Variants in SOX6 observed in about 807,000 individuals in gnomAD.
The protein encoded by SOX6 is transcription factor SOX-6.
SOX6 carries 11 observed loss-of-function variants against 97.8 expected under a neutral mutation model. The observed-to-expected ratio is 0.11, with a 90% CI of 0.07 to 0.19. SOX6 has a LOEUF of 0.19. Among genes scored for constraint, SOX6 ranks in the 10% least tolerant of loss-of-function variants. SOX6 has a pLI of 1.00. For synonymous variants in SOX6, 360 were observed against 371.4 expected (o/e 0.97, Z 0.35); for missense variants, 810 against 1,039.5 (o/e 0.78, Z 3.04).
At chr11:16,704,894 C>T (rs1204958834) in intron 3 of SOX6, among the ~76,000 whole-genome samples, 1 of 152,152 alleles carries the variant, frequency 6.6e-6, no homozygotes, top group Non-Finnish European at 1.5e-5. Context: ...TTCAAATACA[C>T]TCTTGACAAC....
intron 9 of SOX6, among the ~76,000 whole-genome samples, chr11:16,085,540 T>C (rs1221917308): frequency 6.6e-6 from 1 of 152,098 alleles, no homozygotes; most frequent in Non-Finnish European, 1.5e-5. Context: ...TTTAGAAAAT[T>C]TCTCTCCCAG....
At chr11:15,979,547 C>A (rs780307132) in intron 15 of SOX6, among the ~76,000 whole-genome samples, 1 of 152,160 alleles carries the variant, frequency 6.6e-6, no homozygotes, top group African/African-American at 2.4e-5. Context: ...CAATGTCTTA[C>A]AAGTCTTTTC....
intron 14 of SOX6, among the ~76,000 whole-genome samples, chr11:15,987,796 A>G (rs1853911456): frequency 6.6e-6 from 1 of 151,988 alleles, no homozygotes; most frequent in Non-Finnish European, 1.5e-5. Flanking sequence ...ATCCCTATGC[A>G]TAACTCTGAA....
At chr11:16,179,618 G>A (rs1265535523) in intron 6 of SOX6, among the ~76,000 whole-genome samples, 2 of 151,790 alleles carry the variant, frequency 1.3e-5, no homozygotes, top group Non-Finnish European at 2.9e-5. Context: ...AATGATGAGG[G>A]GAGGGCAATG....
intron 6 of SOX6, among the ~76,000 whole-genome samples, chr11:16,175,446 A>G (rs1310278161): frequency 6.6e-6 from 1 of 152,010 alleles, no homozygotes; most frequent in Non-Finnish European, 1.5e-5. Flanking sequence ...AACAGACTAC[A>G]GCGCTAACAG....
chr11:16,695,403 A>G (rs560405664), intron 3 of SOX6, among the ~76,000 whole-genome samples: 256 of 152,372 alleles, frequency 1.7e-3, no homozygotes, highest in South Asian at 8.5e-3. Context: ...CTGGAATGTA[A>G]GCATAATATA....
At chr11:16,169,374 T>C (rs1018450754) in intron 6 of SOX6, among the ~76,000 whole-genome samples, 7 of 152,132 alleles carry the variant, frequency 4.6e-5, no homozygotes, top group African/African-American at 1.7e-4. Flanking sequence ...GATCATTACC[T>C]GCTAAAAGAA....
chr11:16,166,051 G>A (rs1850879677), intron 6 of SOX6, among the ~76,000 whole-genome samples: 1 of 152,068 alleles, frequency 6.6e-6, no homozygotes, highest in South Asian at 2.1e-4. Context: ...CACTAATTTA[G>A]AGATAGAAAT....
At chr11:15,983,672 A>T (rs1439705223) in intron 15 of SOX6, among the ~76,000 whole-genome samples, 1 of 152,132 alleles carries the variant, frequency 6.6e-6, no homozygotes, top group African/African-American at 2.4e-5. Flanking sequence ...CAGAAATAAC[A>T]CCTGGCTCTA....
At chr11:16,628,352 G>A (rs1169992630) in intron 3 of SOX6, among the ~76,000 whole-genome samples, 1 of 152,084 alleles carries the variant, frequency 6.6e-6, no homozygotes, top group East Asian at 1.9e-4. Context: ...GGCCGGGCAT[G>A]GTTGCTCACG....
intron 2 of SOX6, among the ~76,000 whole-genome samples, chr11:16,335,633 ATCT>A (rs1422113127): frequency 6.6e-6 from 1 of 152,214 alleles, no homozygotes; most frequent in Non-Finnish European, 1.5e-5. Context: ...AAGATTAGAA[ATCT>A]TCTCAAAGTC....
intron 4 of SOX6, among the ~76,000 whole-genome samples, chr11:16,511,572 A>G (rs1218831411): frequency 6.6e-6 from 1 of 152,032 alleles, no homozygotes; most frequent in Non-Finnish European, 1.5e-5. Context: ...ATATTCAGTG[A>G]GTAGAATGCT....
At chr11:16,235,380 A>G (rs183361669) in intron 3 of SOX6, among the ~76,000 whole-genome samples, 4 of 152,222 alleles carry the variant, frequency 2.6e-5, no homozygotes, top group African/African-American at 2.4e-5. Context: ...ATTCATAAAG[A>G]CTACAGAAAT....
At chr11:16,297,122 A>G (rs1434585952) in intron 3 of SOX6, among the ~76,000 whole-genome samples, 1 of 152,174 alleles carries the variant, frequency 6.6e-6, no homozygotes, top group Non-Finnish European at 1.5e-5. Context: ...ATGAGAGAGA[A>G]TGCAAAATAA....
chr11:16,385,360 T>C (rs957138930), intron 1 of SOX6, among the ~76,000 whole-genome samples: 16 of 152,084 alleles, frequency 1.1e-4, no homozygotes, highest in African/African-American at 3.4e-4. Context: ...AAAAGCAACA[T>C]ATAACATTTT....
intron 4 of SOX6, among the ~76,000 whole-genome samples, chr11:16,585,422 C>G (rs1848080308): frequency 6.6e-6 from 1 of 152,138 alleles, no homozygotes. Context: ...GGTAAGGAAA[C>G]TGAGGCCTGA....
intron 3 of SOX6, among the ~76,000 whole-genome samples, chr11:16,259,342 TAAG>T (rs960083121): frequency 2.9e-4 from 44 of 152,150 alleles, no homozygotes; most frequent in African/African-American, 1.1e-3. Flanking sequence ...ACAACATTCT[TAAG>T]AAGTAAATTC....
intron 9 of SOX6, among the ~76,000 whole-genome samples, chr11:16,088,189 T>G (rs1400540377): frequency 6.6e-6 from 1 of 152,130 alleles, no homozygotes; most frequent in East Asian, 1.9e-4. Context: ...GTAAAGCGAT[T>G]TCCCATATAC....
At chr11:16,220,358 G>A (rs1852501466) in intron 4 of SOX6, among the ~76,000 whole-genome samples, 1 of 151,994 alleles carries the variant, frequency 6.6e-6, no homozygotes, top group African/African-American at 2.4e-5. Context: ...AAGGGGTTGA[G>A]AGGCATATAA....
Sources: allele counts gnomAD v4.1 joint callset (sites outside exome capture counted in the v4.1 genomes callset), GRCh38; gene constraint gnomAD v4.1.1; transcripts MANE v1.5; gene names NCBI Gene and HGNC (gene_info 2026-07-23, HGNC 2026-07-21).